Variants in EIF4B observed in about 807,000 individuals in gnomAD.
The protein encoded by EIF4B is eukaryotic translation initiation factor 4B.
In EIF4B, 8 loss-of-function variants were observed where a neutral mutation model predicts 79.3. The ratio of observed to expected loss-of-function variants is 0.10; its 90% CI spans 0.06 to 0.18. EIF4B has a LOEUF of 0.18. Ranked by LOEUF, EIF4B falls within the 10% of genes least tolerant of loss-of-function variation. The pLI is 1.00. For synonymous variants in EIF4B, 238 were observed against 274.7 expected (o/e 0.87, Z 1.32); for missense variants, 515 against 792.4 (o/e 0.65, Z 4.20).
intron 4 of EIF4B, among the ~76,000 whole-genome samples, chr12:53,021,168 C>T: frequency 6.6e-6 from 1 of 152,180 alleles, no homozygotes; most frequent in Middle Eastern, 3.2e-3. Context: ...AAAGGGAAGT[C>T]AGAGGGTATC....
rs1943628253 is a variant in EIF4B, at chr12:53,041,093, A to G, written c.*870A>G. On this transcript the variant is annotated 3_prime_UTR_variant, in exon 15 of 15. Transcript: ENST00000262056. ...AAAGTTTTGAATATATCCACATTCTATTGAAACCTTGAAACTAAAAATTTA... is the reference window on the plus strand; with the variant it reads ...AAAGTTTTGAATATATCCACATTCTGTTGAAACCTTGAAACTAAAAATTTA... The G allele has an allele frequency of 1.3e-5, 2 of 152,202 alleles. No homozygotes were observed. Among genetic ancestry groups the G allele is most frequent in the Non-Finnish European group, 2.9e-5 (2 of 68,044 alleles). 9.4% of individuals were successfully genotyped at this position (152,202 alleles called of 1,614,324 possible). A position where few individuals can be genotyped will look rare whatever the true frequency, so the allele number is the denominator to read the frequency against.
At chr12:53,029,279 T>G (rs1197601509) in intron 8 of EIF4B, among the ~76,000 whole-genome samples, 1 of 152,126 alleles carries the variant, frequency 6.6e-6, no homozygotes, top group Non-Finnish European at 1.5e-5. Flanking sequence ...TGTTATAAAA[T>G]ACTAATAAAT....
intron 6 of EIF4B, among the ~76,000 whole-genome samples, chr12:53,026,468 A>G (rs1234466979): frequency 6.6e-6 from 1 of 152,242 alleles, no homozygotes; most frequent in Non-Finnish European, 1.5e-5. Flanking sequence ...TTGTACATGT[A>G]TCTTTATCAC....
chr12:53,031,269 GCC>G (rs1453178452), intron 8 of EIF4B, among the ~76,000 whole-genome samples: 3 of 152,134 alleles, frequency 2.0e-5, no homozygotes, highest in Non-Finnish European at 4.4e-5. Flanking sequence ...TTCACTGTTT[GCC>G]CAGCCTTTAC....
At chr12:53,022,199 T>C (rs901551318) in intron 5 of EIF4B, 4 of 669,556 alleles carry the variant, frequency 6.0e-6, no homozygotes, top group Non-Finnish European at 1.1e-5. Flanking sequence ...ATAAATAGAT[T>C]AGCTGCCTAA....
chr12:53,020,124 A>G, intron 4 of EIF4B, 98 bp downstream of exon 4: 1 of 923,098 alleles, frequency 1.1e-6, no homozygotes, highest in Non-Finnish European at 1.6e-6. Context: ...GCTCACTTCA[A>G]AGATTCCCAT....
At chr12:53,008,917 C>CTA (rs1943015237) in intron 1 of EIF4B, among the ~76,000 whole-genome samples, 2 of 152,010 alleles carry the variant, frequency 1.3e-5, no homozygotes, top group Admixed American at 1.3e-4. Context: ...TGCTTGTAAT[C>CTA]CCAGCTACTC....
intron 5 of EIF4B, 41 bp from the exon 6 acceptor site, chr12:53,022,448 GTTTT>G: frequency 6.2e-7 from 1 of 1,604,748 alleles, no homozygotes; most frequent in Non-Finnish European, 8.5e-7. Flanking sequence ...ATTGGGCAAA[GTTTT>G]TATGAGATAA....
chr12:53,018,117 A>G (rs907510260), intron 2 of EIF4B, among the ~76,000 whole-genome samples: 24 of 152,114 alleles, frequency 1.6e-4, no homozygotes, highest in African/African-American at 4.6e-4. Flanking sequence ...CAGCCTCCCA[A>G]GTAGATGGGA....
At chr12:53,026,982 T>C (rs540784436) in intron 6 of EIF4B, among the ~76,000 whole-genome samples, 5 of 152,206 alleles carry the variant, frequency 3.3e-5, no homozygotes, top group African/African-American at 1.2e-4. Context: ...TTTCTCATTT[T>C]GTTTGCCTCT....
chr12:53,006,852 G>A (rs1942969528), intron 1 of EIF4B, among the ~76,000 whole-genome samples: 1 of 151,904 alleles, frequency 6.6e-6, no homozygotes, highest in Non-Finnish European at 1.5e-5. Context: ...CGTGGAGGAA[G>A]GAAGGAGGCG....
chr12:53,034,554 T>A, intron 9 of EIF4B, 58 bp from the exon 10 acceptor site: 7 of 1,558,146 alleles, frequency 4.5e-6, no homozygotes, highest in Non-Finnish European at 6.2e-6. Flanking sequence ...TCAGCATGGG[T>A]CTAAGGTGGC....
intron 6 of EIF4B, among the ~76,000 whole-genome samples, chr12:53,027,115 C>CTA (rs1943346920): frequency 2.2e-5 from 1 of 46,222 alleles, no homozygotes; most frequent in African/African-American, 5.3e-5. Context: ...CAGAGAGAGA[C>CTA]TGTCTCTCAA....
rs150047552 is a variant in EIF4B, at chr12:53,025,831, G to T, written c.668-1951G>T. On this transcript the variant is annotated intron_variant, in intron 6 of 14. Coordinates refer to ENST00000262056, the MANE Select transcript of EIF4B (RefSeq NM_001417.7). ...GCCACAAGAAAAAGATCCCTGGCCG[G>T]GCATGGTGGCTCACGCCTGTAATCC... 7.0e-3 allele frequency among the ~76,000 whole-genome samples: 1,068 copies of T among 152,248 alleles called. 13 individuals are homozygous for T. Among genetic ancestry groups the T allele is most frequent in the African/African-American group, 0.024 (1,010 of 41,546 alleles).
intron 10 of EIF4B, among the ~76,000 whole-genome samples, chr12:53,035,399 C>A (rs1025696701): frequency 1.1e-4 from 17 of 150,666 alleles, no homozygotes; most frequent in Non-Finnish European, 2.1e-4. Flanking sequence ...GACCGAGTCT[C>A]GCTCTGTCGC....
chr12:53,013,283 C>T (rs1943095317), intron 1 of EIF4B, among the ~76,000 whole-genome samples: 1 of 152,152 alleles, frequency 6.6e-6, no homozygotes, highest in African/African-American at 2.4e-5. Flanking sequence ...TGTTTTTATC[C>T]TCCCAGTGGA....
chr12:53,016,898 T>C (rs984518013), intron 2 of EIF4B, among the ~76,000 whole-genome samples: 1 of 152,210 alleles, frequency 6.6e-6, no homozygotes, highest in Non-Finnish European at 1.5e-5. Flanking sequence ...ATTTTAAAAG[T>C]AAGAACTAGA....
rs915299242 is a variant in EIF4B at position 53,042,208 on chromosome 12, C to G, written c.*1985C>G. On this transcript the variant is annotated 3_prime_UTR_variant, in exon 15 of 15. Transcript: ENST00000262056. ...CCAAATAAATCTGATCTTTAAAGTT[C>G]ATTGTAATGCTGAAGTTCTTTGACA... 9.8e-5 allele frequency: 15 copies of G among 152,546 alleles called. No individual in the cohort carries two copies. Among genetic ancestry groups the G allele is most frequent in the African/African-American group, 3.4e-4 (14 of 41,408 alleles). 9.4% of individuals were successfully genotyped at this position (152,546 alleles called of 1,614,324 possible).
At chr12:53,034,795 T>C (rs1379733682) in intron 10 of EIF4B, 86 bp downstream of exon 10, 1 of 1,457,756 alleles carries the variant, frequency 6.9e-7, no homozygotes, top group Non-Finnish European at 9.6e-7. Flanking sequence ...CTGCAATATT[T>C]AAATTCAGTC....
Sources: allele counts gnomAD v4.1 joint callset (sites outside exome capture counted in the v4.1 genomes callset), GRCh38; gene constraint gnomAD v4.1.1; transcripts MANE v1.5; gene names NCBI Gene and HGNC (gene_info 2026-07-23, HGNC 2026-07-21).